The following CNTNAP5 variants were observed in gnomAD, a reference collection of about 807,000 sequenced individuals.
CNTNAP5 encodes the protein contactin associated protein family member 5, also known as contactin-associated protein-like 5.
In CNTNAP5, 72 loss-of-function variants were observed where a neutral mutation model predicts 150.2. The observed-to-expected ratio is 0.48, with a 90% CI of 0.40 to 0.58. The LOEUF is 0.58. Among genes scored for constraint, CNTNAP5 ranks in the 20% least tolerant of loss-of-function variants. The pLI is 0.00. For missense variants in CNTNAP5, 1,636 were observed against 1,626.2 expected, an observed-to-expected ratio of 1.01 and a Z score of -0.10; for synonymous variants, 672 against 619.8, an observed-to-expected ratio of 1.08 and a Z score of -1.25.
At chr2:124,862,751 A>G (rs1231652713) in intron 19 of CNTNAP5, among the ~76,000 whole-genome samples, 5 of 152,188 alleles carry the variant, frequency 3.3e-5, no homozygotes, top group Admixed American at 3.3e-4. Flanking sequence ...TTAGCCTTTC[A>G]TGGGGTCAAA....
chr2:124,180,895 C>T (rs1010223593), intron 1 of CNTNAP5, among the ~76,000 whole-genome samples: 2 of 151,742 alleles, frequency 1.3e-5, no homozygotes, highest in East Asian at 3.9e-4. Context: ...CTTTTCATGC[C>T]TCCCTCTCCC....
At chr2:124,332,820 G>A (rs1195808281) in intron 3 of CNTNAP5, among the ~76,000 whole-genome samples, 4 of 152,172 alleles carry the variant, frequency 2.6e-5, no homozygotes, top group African/African-American at 9.6e-5. Flanking sequence ...GATAAAAGTT[G>A]TGTGTCTGTA....
intron 11 of CNTNAP5, among the ~76,000 whole-genome samples, chr2:124,586,896 G>T (rs72845255): frequency 0.019 from 2,843 of 152,238 alleles, 33 homozygotes; most frequent in Middle Eastern, 0.034. Context: ...AATGTACCTG[G>T]GTAAGATGCA....
intron 1 of CNTNAP5, among the ~76,000 whole-genome samples, chr2:124,154,290 A>G (rs1161703892): frequency 6.6e-6 from 1 of 152,182 alleles, no homozygotes; most frequent in Non-Finnish European, 1.5e-5. Flanking sequence ...ACCCTAAGAC[A>G]GGAATTCAAG....
intron 13 of CNTNAP5, among the ~76,000 whole-genome samples, chr2:124,738,173 T>G (rs1238986459): frequency 1.3e-5 from 2 of 152,162 alleles, no homozygotes; most frequent in African/African-American, 4.8e-5. Context: ...ACACTAAATC[T>G]CTGAGGCTTA....
intron 14 of CNTNAP5, among the ~76,000 whole-genome samples, chr2:124,754,542 G>A (rs1680797000): frequency 6.6e-6 from 1 of 152,062 alleles, no homozygotes; most frequent in African/African-American, 2.4e-5. Context: ...CATGAATGAA[G>A]AGATGGGACA....
chr2:124,703,109 T>TC (rs1553433059), intron 13 of CNTNAP5, among the ~76,000 whole-genome samples: 4,490 of 143,020 alleles, frequency 0.031, 75 homozygotes, highest in African/African-American at 0.048. Context: ...CTTCCTTCCT[T>TC]CCTCCCTCCC....
chr2:124,898,759 C>T (rs767114300), intron 21 of CNTNAP5, among the ~76,000 whole-genome samples: 2 of 151,374 alleles, frequency 1.3e-5, no homozygotes, highest in Non-Finnish European at 1.5e-5. Context: ...AGTACTTGGG[C>T]ATGTTGAGGG....
At chr2:124,171,665 G>T (rs898809424) in intron 1 of CNTNAP5, among the ~76,000 whole-genome samples, 1 of 152,186 alleles carries the variant, frequency 6.6e-6, no homozygotes. Flanking sequence ...CTATCTACTA[G>T]AGCAAAGGGC....
intron 3 of CNTNAP5, among the ~76,000 whole-genome samples, chr2:124,245,512 A>G (rs1422824097): frequency 1.3e-5 from 2 of 152,038 alleles, no homozygotes; most frequent in Non-Finnish European, 2.9e-5. Flanking sequence ...GAAAAAGTCA[A>G]TGTCTAAAAC....
chr2:124,405,829 G>T (rs908025814), intron 3 of CNTNAP5, among the ~76,000 whole-genome samples: 1 of 152,170 alleles, frequency 6.6e-6, no homozygotes, highest in African/African-American at 2.4e-5. Flanking sequence ...TTGTTGCAGG[G>T]ATCAGCACTT....
chr2:124,881,233 G>A (rs1677957757), intron 21 of CNTNAP5, among the ~76,000 whole-genome samples: 2 of 152,092 alleles, frequency 1.3e-5, no homozygotes, highest in South Asian at 4.1e-4. Context: ...AAGAGAGACT[G>A]GTATGCAGGC....
At chr2:124,040,723 A>G (rs1681348074) in intron 1 of CNTNAP5, among the ~76,000 whole-genome samples, 1 of 151,800 alleles carries the variant, frequency 6.6e-6, no homozygotes, top group Non-Finnish European at 1.5e-5. Context: ...TAATATATCA[A>G]ACCACAAATT....
intron 3 of CNTNAP5, among the ~76,000 whole-genome samples, chr2:124,339,632 T>A (rs1414624128): frequency 6.6e-6 from 1 of 152,194 alleles, no homozygotes; most frequent in Non-Finnish European, 1.5e-5. Flanking sequence ...GGGTTTTTCG[T>A]GCTCACTGTA....
chr2:124,288,397 T>C (rs1339980283), intron 3 of CNTNAP5, among the ~76,000 whole-genome samples: 1 of 152,202 alleles, frequency 6.6e-6, no homozygotes, highest in African/African-American at 2.4e-5. Context: ...GAAAACTCTA[T>C]ACATGGGGCA....
intron 1 of CNTNAP5, among the ~76,000 whole-genome samples, chr2:124,169,130 T>A (rs1358672): frequency 6.6e-6 from 1 of 152,020 alleles, no homozygotes; most frequent in Admixed American, 6.6e-5. Context: ...TCTTTCCCAC[T>A]GGACTGGATC....
intron 19 of CNTNAP5, among the ~76,000 whole-genome samples, chr2:124,821,677 C>T (rs539559881): frequency 6.6e-6 from 1 of 152,140 alleles, no homozygotes; most frequent in African/African-American, 2.4e-5. Context: ...AACAGCTCCA[C>T]TCGATCTTAG....
intron 11 of CNTNAP5, among the ~76,000 whole-genome samples, chr2:124,609,085 C>T (rs953504194): frequency 2.6e-5 from 4 of 152,144 alleles, no homozygotes; most frequent in African/African-American, 9.7e-5. Context: ...GGCACAACAT[C>T]AAATGACACG....
intron 3 of CNTNAP5, among the ~76,000 whole-genome samples, chr2:124,305,852 A>AT (rs1337714638): frequency 3.3e-5 from 5 of 152,146 alleles, no homozygotes; most frequent in African/African-American, 1.2e-4. Context: ...AAATTACCTA[A>AT]TATTTTTATT....
Sources: allele counts gnomAD v4.1 joint callset (sites outside exome capture counted in the v4.1 genomes callset), GRCh38; gene constraint gnomAD v4.1.1; transcripts MANE v1.5; gene names NCBI Gene and HGNC (gene_info 2026-07-23, HGNC 2026-07-21).